SNX8: variants seen among roughly 807,000 people sequenced by gnomAD.
SNX8 encodes sorting nexin 8, also known as sorting nexin-8.
In SNX8, 25 loss-of-function variants were observed where a neutral mutation model predicts 51.6. That is an observed-to-expected ratio of 0.48 (90% CI 0.35 to 0.68). The LOEUF (loss-of-function observed/expected upper bound fraction) is 0.68, where lower values mean the gene tolerates loss of function less well. Among genes scored for constraint, SNX8 ranks in the 30% least tolerant of loss-of-function variants. SNX8 has a pLI of 0.00. For synonymous variants in SNX8, 324 were observed against 277.0 expected (o/e 1.17, Z -1.68); for missense variants, 695 against 624.0 (o/e 1.11, Z -1.21).
chr7:2,257,160 G>A, intron 9 of SNX8, 137 bp from the exon 10 acceptor site: 4 of 1,225,884 alleles, frequency 3.3e-6, no homozygotes, highest in Non-Finnish European at 2.2e-6. Context: ...AGGTGGCGAG[G>A]TAAGAGAGGG....
chr7:2,333,072 TG>T (rs1458684270), intron 1 of SNX8, among the ~76,000 whole-genome samples: 1 of 151,642 alleles, frequency 6.6e-6, no homozygotes, highest in East Asian at 1.9e-4. Flanking sequence ...AGTTCTTTTT[TG>T]TTTCTTTTAA....
intron 1 of SNX8, among the ~76,000 whole-genome samples, chr7:2,296,671 C>T (rs150530869): frequency 0.021 from 3,211 of 151,958 alleles, 169 homozygotes; most frequent in African/African-American, 0.073. Flanking sequence ...TGGCTCACAC[C>T]TGTAATCCCA....
At chr7:2,323,719 G>C (rs747082547) in intron 1 of SNX8, among the ~76,000 whole-genome samples, 2 of 152,208 alleles carry the variant, frequency 1.3e-5, no homozygotes, top group Non-Finnish European at 2.9e-5. Context: ...GTACTACCAC[G>C]TGCCTGGCAC....
chr7:2,267,988 CCTCT>C lies in SNX8; in HGVS notation c.621+1567_621+1570del, dbSNP rs1795516647. Among the ~76,000 whole-genome samples, 4 of 148,852 alleles carry C rather than the reference CCTCT, an allele frequency of 2.7e-5. No individual in the cohort carries two copies. The South Asian group carries it at 8.5e-4, about 32-fold the overall frequency. ...CGCCCCATCTGGGATGTGAGGAGCG[CCTCT>C]GCCCGGCCGAGACCCCGTCTGGGAG... On this transcript the variant is annotated intron_variant, in intron 5 of 10. Transcript: ENST00000222990.
chr7:2,277,952 C>A, intron 2 of SNX8, 148 bp downstream of exon 2: 1 of 1,319,578 alleles, frequency 7.6e-7, no homozygotes, highest in Non-Finnish European at 1.0e-6. Context: ...CAGCCTGACT[C>A]TGCTGCGAGT....
At chr7:2,347,369 T>C (rs1476093543) in intron 1 of SNX8, among the ~76,000 whole-genome samples, 1 of 148,752 alleles carries the variant, frequency 6.7e-6, no homozygotes, top group East Asian at 2.0e-4. Context: ...TAGTCCTCAA[T>C]CCTCAGGAGG....
intron 4 of SNX8, among the ~76,000 whole-genome samples, chr7:2,269,890 C>T (rs560609245): frequency 6.6e-6 from 1 of 152,300 alleles, no homozygotes; most frequent in African/African-American, 2.4e-5. Context: ...ACAGCCACTC[C>T]ATCCGCAGAC....
intron 1 of SNX8, among the ~76,000 whole-genome samples, chr7:2,313,975 G>T (rs73677112): frequency 0.015 from 2,247 of 152,360 alleles, 47 homozygotes; most frequent in African/African-American, 0.051. Context: ...AGGCAGGGCA[G>T]AAGAGCAGGG....
At chr7:2,285,223 A>ACTTTCTCTAAGCTACTATGTTATTCTG (rs1795999898) in intron 1 of SNX8, among the ~76,000 whole-genome samples, 1 of 150,338 alleles carries the variant, frequency 6.7e-6, no homozygotes, top group African/African-American at 2.4e-5. Context: ...AAAAAAAAAA[A>ACTTTCTCTAAGCTACTATGTTATTCTG]AAAAAAATGC....
chr7:2,277,094 C>G (rs537521103), intron 2 of SNX8, among the ~76,000 whole-genome samples: 1 of 152,172 alleles, frequency 6.6e-6, no homozygotes, highest in Non-Finnish European at 1.5e-5. Context: ...TCTGTCTGTG[C>G]GAATCCCACA....
In SNX8 at chr7:2,351,193, C is replaced by T. The variant is rs1011695365; in HGVS notation, c.-66+3029G>A. 9.2e-5 allele frequency among the ~76,000 whole-genome samples: 14 copies of T among 152,146 alleles called. No individual in the cohort carries two copies. In the South Asian group the frequency reaches 2.7e-3, roughly 29 times the overall value. ...TGCAGGTCAGCCTGGGAGCCTCATCCGGCCATCTCTGCTGCCAGGGTTGGT... is the reference window on the plus strand; with the variant it reads ...TGCAGGTCAGCCTGGGAGCCTCATCTGGCCATCTCTGCTGCCAGGGTTGGT... On this transcript the variant is annotated intron_variant, in intron 1 of 5. Coordinates refer to the SNX8 transcript ENST00000435336.
At chr7:2,327,854 TTTC>T (rs1185400938) in intron 1 of SNX8, among the ~76,000 whole-genome samples, 1 of 151,942 alleles carries the variant, frequency 6.6e-6, no homozygotes, top group Non-Finnish European at 1.5e-5. Context: ...GCATTTTCTT[TTTC>T]TTATTTCCTT....
intron 2 of SNX8, among the ~76,000 whole-genome samples, chr7:2,277,584 A>T (rs1326915868): frequency 6.6e-6 from 1 of 151,998 alleles, no homozygotes; most frequent in Non-Finnish European, 1.5e-5. Context: ...GTGGATCATA[A>T]GGTCAGGAGA....
chr7:2,296,355 T>C (rs550228092), intron 1 of SNX8, among the ~76,000 whole-genome samples: 1 of 152,174 alleles, frequency 6.6e-6, no homozygotes, highest in African/African-American at 2.4e-5. Context: ...TAAATGGGAA[T>C]GAGTTCTTGA....
At chr7:2,266,875 C>T (rs981297330) in intron 5 of SNX8, among the ~76,000 whole-genome samples, 1 of 152,214 alleles carries the variant, frequency 6.6e-6, no homozygotes, top group African/African-American at 2.4e-5. Context: ...CAAGTAGCTA[C>T]CTTAGTCTTT....
intron 1 of SNX8, among the ~76,000 whole-genome samples, chr7:2,304,309 C>T (rs935003445): frequency 1.3e-5 from 2 of 152,016 alleles, no homozygotes; most frequent in Non-Finnish European, 2.9e-5. Context: ...CTTTGGGAGG[C>T]CAAGGTGGGC....
rs1194259365 is a variant in SNX8, at chr7:2,255,151, C to G, written c.1303G>C (p.Asp435His). The G allele has an allele frequency of 6.4e-7, 1 of 1,557,176 alleles. No homozygotes were observed. The highest frequency in any genetic ancestry group is 8.7e-7 in the Non-Finnish European group (1 of 1,149,114). Residue 435 changes from aspartate (D) to histidine (H), a missense_variant, in exon 11 of 11, where the codon GAC (aspartate) becomes CAC (histidine). Asp to His is a moderately conservative substitution (Grantham distance 81). Coordinates refer to ENST00000222990, the MANE Select transcript of SNX8 (RefSeq NM_013321.4). ...GHKEMSKVWN[D>H]LRPKLSCLFA... The stretch of plus-strand genomic sequence containing the variant: ...AGGCAGCTGAGCTTGGGCCTCAGGT[C>G]GTTCCACACCTTGCTCATCTGAAAG...
At chr7:2,278,003 T>C (rs1795820884) in intron 2 of SNX8, 97 bp downstream of exon 2, 69 of 1,509,878 alleles carry the variant, frequency 4.6e-5, no homozygotes, top group Non-Finnish European at 6.0e-5. Flanking sequence ...GACTCACCCT[T>C]CAGCCTTCTC....
chr7:2,307,862 C>T (rs1463804202), intron 1 of SNX8: 1 of 152,138 alleles, frequency 6.6e-6, no homozygotes, highest in Non-Finnish European at 1.5e-5. Flanking sequence ...GATGGGCAAA[C>T]ATCTCTTTTT....
Sources: allele counts gnomAD v4.1 joint callset (sites outside exome capture counted in the v4.1 genomes callset), GRCh38; gene constraint gnomAD v4.1.1; transcripts MANE v1.5; gene names NCBI Gene and HGNC (gene_info 2026-07-23, HGNC 2026-07-21).